CPVL: variants seen among roughly 807,000 people sequenced by gnomAD.
CPVL encodes probable serine carboxypeptidase CPVL.
CPVL carries 51 observed loss-of-function variants against 63.7 expected under a neutral mutation model. The ratio of observed to expected loss-of-function variants is 0.80; its 90% CI spans 0.64 to 1.01. The LOEUF is 1.01. CPVL is among the 50% of genes least tolerant of loss of function. The pLI is 0.00. For missense variants in CPVL, 530 were observed against 573.1 expected, an observed-to-expected ratio of 0.92 and a Z score of 0.77; for synonymous variants, 195 against 206.0, an observed-to-expected ratio of 0.95 and a Z score of 0.46.
At chr7:29,007,209 G>T (rs555090667) in intron 12 of CPVL, among the ~76,000 whole-genome samples, 1 of 152,256 alleles carries the variant, frequency 6.6e-6, no homozygotes, top group South Asian at 2.1e-4. Flanking sequence ...AAATAGATTT[G>T]CTAGCCAATT....
intron 5 of CPVL, among the ~76,000 whole-genome samples, chr7:29,160,334 C>T (rs1021540398): frequency 6.6e-6 from 1 of 152,164 alleles, no homozygotes; most frequent in East Asian, 1.9e-4. Context: ...GATGTTCTCC[C>T]ATCAATTTTC....
At chr7:29,003,185 CACAG>C (rs70977089) in intron 12 of CPVL, among the ~76,000 whole-genome samples, 36,289 of 85,524 alleles carry the variant, frequency 0.42, 4,936 homozygotes, top group Middle Eastern at 0.48. Flanking sequence ...CACACACACA[CACAG>C]AGAGAATAGC....
chr7:29,188,948 CTTT>C (rs11376135), intron 1 of CPVL, among the ~76,000 whole-genome samples: 4 of 129,966 alleles, frequency 3.1e-5, no homozygotes, highest in Non-Finnish European at 3.2e-5. Flanking sequence ...TTCCTCATAC[CTTT>C]TTTTTTTTTT....
chr7:29,001,820 G>T (rs982035186), intron 12 of CPVL, among the ~76,000 whole-genome samples: 2 of 152,172 alleles, frequency 1.3e-5, no homozygotes, highest in African/African-American at 2.4e-5. Flanking sequence ...TCCCCAAGGG[G>T]CTTCCTATGT....
At chr7:29,001,965 T>C (rs975400296) in intron 12 of CPVL, among the ~76,000 whole-genome samples, 1 of 152,166 alleles carries the variant, frequency 6.6e-6, no homozygotes, top group Non-Finnish European at 1.5e-5. Context: ...GAAAATAAGC[T>C]GTTTAAAGGT....
At chr7:29,011,420 C>G (rs1785817986) in intron 12 of CPVL, 1 of 152,108 alleles carries the variant, frequency 6.6e-6, no homozygotes, top group Non-Finnish European at 1.5e-5. Context: ...CAAGAAAATA[C>G]AAAAATTAGT....
intron 5 of CPVL, among the ~76,000 whole-genome samples, chr7:29,172,568 G>A (rs184352164): frequency 1.2e-3 from 182 of 152,268 alleles, no homozygotes; most frequent in African/African-American, 4.0e-3. Flanking sequence ...AATTATTCAT[G>A]TTAACACCCT....
rs369197127 is a variant in CPVL at position 29,101,669 on chromosome 7, T to G, written c.289-5452A>C. Among the ~76,000 whole-genome samples, 13 of 148,218 alleles carry G rather than the reference T, an allele frequency of 8.8e-5. 2 individuals are homozygous for G. The highest frequency in any genetic ancestry group is 3.2e-4 in the African/African-American group (13 of 40,524). ...AACAGTACTTATTCTTAACTAAAGG[T>G]TTTTTTTTTTCTTCAGTGAAGGTAT... is the stretch of plus-strand genomic sequence containing the variant. On this transcript the variant is annotated intron_variant, in intron 3 of 12. Transcript: ENST00000265394.
At chr7:29,190,009 C>T (rs901230540) in intron 1 of CPVL, among the ~76,000 whole-genome samples, 5 of 152,220 alleles carry the variant, frequency 3.3e-5, no homozygotes, top group African/African-American at 1.2e-4. Context: ...CCGCTACCTG[C>T]GGCGTCTGAG....
intron 7 of CPVL, among the ~76,000 whole-genome samples, chr7:29,081,758 G>C (rs1397888413): frequency 6.6e-6 from 1 of 152,162 alleles, no homozygotes; most frequent in Non-Finnish European, 1.5e-5. Context: ...TTTTCAGCAT[G>C]AATGGTAATA....
rs138669403 is a variant in CPVL at position 29,172,005 on chromosome 7, A to G, written c.-11+9285T>C. ...CACAATGCAGGGTGCAGTGGGTGGT[A>G]CACAGGAGAAAAAACTCATGGAATG... is the stretch of plus-strand genomic sequence containing the variant. On this transcript the variant is annotated intron_variant, in intron 5 of 16. Coordinates refer to the CPVL transcript ENST00000409850. Among the ~76,000 whole-genome samples the G allele has an allele frequency of 1.4e-4, 22 of 152,332 alleles. No individual in the cohort carries two copies. The East Asian group carries it at 4.1e-3, about 28-fold the overall frequency.
intron 1 of CPVL, among the ~76,000 whole-genome samples, chr7:29,188,593 AAG>A (rs1799001734): frequency 6.6e-6 from 1 of 152,072 alleles, no homozygotes; most frequent in African/African-American, 2.4e-5. Context: ...GCTACAGGGA[AAG>A]AAATGAAAAT....
chr7:29,127,188 C>G (rs1214087685), intron 1 of CPVL, among the ~76,000 whole-genome samples: 2 of 151,970 alleles, frequency 1.3e-5, no homozygotes, highest in African/African-American at 4.8e-5. Flanking sequence ...CCTTGAAATC[C>G]CACTCCAACC....
rs1362552161 is a variant in CPVL at position 29,011,853 on chromosome 7, G to A, written c.1321-15971C>T. On this transcript the variant is annotated intron_variant, in intron 12 of 12. Coordinates refer to ENST00000265394, the MANE Select transcript of CPVL (RefSeq NM_031311.5). ...TTTCAACATATCTATAACAGTGTAT[G>A]TGGTATTTGGTATGAGAATGTCTTT... 3.3e-5 allele frequency: 5 copies of A among 152,232 alleles called. No individual in the cohort carries two copies. The East Asian group carries it at 5.8e-4, about 18-fold the overall frequency. 9.4% of individuals were successfully genotyped at this position (152,232 alleles called of 1,614,324 possible).
At chr7:29,190,450 G>T (rs1190169602) in intron 1 of CPVL, among the ~76,000 whole-genome samples, 1 of 152,178 alleles carries the variant, frequency 6.6e-6, no homozygotes, top group Admixed American at 6.5e-5. Flanking sequence ...CACAGCTCCT[G>T]CTATGACAGC....
At position 29,066,035 on chromosome 7, in the gene CPVL, A is replaced by G; in HGVS notation, c.951T>C (p.Phe317=). ...AAAATGTCATTACCGTGCACCGCAAAAAGTTATAGTAATTACTACATCCTG... is the reference window on the plus strand; with the variant it reads ...AAAATGTCATTACCGTGCACCGCAAGAAGTTATAGTAATTACTACATCCTG... ...NVTGCSNYYN[F]LRCTEPEDQL... The change falls in exon 10 of 13, where the codon TTT becomes TTC. Residue 317 remains phenylalanine, a synonymous_variant. Coordinates refer to ENST00000265394, the MANE Select transcript of CPVL (RefSeq NM_031311.5). The G allele has an allele frequency of 6.3e-7, 1 of 1,595,156 alleles. No individual in the cohort carries two copies. The highest frequency in any genetic ancestry group is 1.3e-5 in the African/African-American group (1 of 74,324).
chr7:29,064,050 A>C lies in CPVL; in HGVS notation c.1137+11T>G, dbSNP rs2128563712. On this transcript the variant is annotated intron_variant, in intron 11 of 12. Coordinates refer to ENST00000265394, the MANE Select transcript of CPVL (RefSeq NM_031311.5). ...AAGTTCCTAAAATAGTAACTGAAGT[A>C]GCTCTCTTACCTTATAATTATTCAT... 1.3e-6 allele frequency: 2 copies of C among 1,587,798 alleles called. No individual in the cohort carries two copies. The highest frequency in any genetic ancestry group is 4.5e-5 in the East Asian group (2 of 44,708).
intron 11 of CPVL, among the ~76,000 whole-genome samples, chr7:29,042,385 T>C (rs1037337742): frequency 6.6e-6 from 1 of 152,112 alleles, no homozygotes; most frequent in African/African-American, 2.4e-5. Context: ...GGAGGATCAC[T>C]TGAGGCCAGG....
chr7:29,099,143 G>A (rs1287240258), intron 3 of CPVL, among the ~76,000 whole-genome samples: 1 of 152,106 alleles, frequency 6.6e-6, no homozygotes, highest in Non-Finnish European at 1.5e-5. Flanking sequence ...ATGCTTGCTG[G>A]GAGGATTAAA....
Sources: gnomAD v4.1 joint callset for allele counts (sites outside exome capture counted in the v4.1 genomes callset) on GRCh38, gnomAD v4.1.1 for gene constraint, MANE v1.5 for transcripts, NCBI Gene and HGNC (gene_info 2026-07-23, HGNC 2026-07-21) for gene names.